The following NALF1 variants were observed in gnomAD, a reference collection of about 807,000 sequenced individuals.
NALF1 encodes the protein NALCN channel auxiliary factor 1.
In NALF1, 3 loss-of-function variants were observed where a neutral mutation model predicts 48.4. That is an observed-to-expected ratio of 0.06 (90% CI 0.03 to 0.16). The LOEUF (loss-of-function observed/expected upper bound fraction) is 0.16, where lower values mean the gene tolerates loss of function less well. Among genes scored for constraint, NALF1 ranks in the 10% least tolerant of loss-of-function variants. The pLI is 1.00. For missense variants in NALF1, 526 were observed against 571.5 expected (o/e 0.92, Z 0.81); for synonymous variants, 262 against 245.7 (o/e 1.07, Z -0.62).
chr13:107,611,593 T>C (rs527740100), intron 1 of NALF1, among the ~76,000 whole-genome samples: 8 of 152,146 alleles, frequency 5.3e-5, no homozygotes, highest in African/African-American at 1.4e-4. Flanking sequence ...TAAGGAAAAC[T>C]AATGGGTTGA....
intron 1 of NALF1, among the ~76,000 whole-genome samples, chr13:107,627,508 GA>G (rs1272295767): frequency 6.6e-6 from 1 of 152,078 alleles, no homozygotes; most frequent in Admixed American, 6.6e-5. Context: ...CCTTAATGAG[GA>G]ACCCCTTCTG....
At chr13:107,502,365 T>C (rs1875551894) in intron 1 of NALF1, among the ~76,000 whole-genome samples, 1 of 152,204 alleles carries the variant, frequency 6.6e-6, no homozygotes, top group Non-Finnish European at 1.5e-5. Flanking sequence ...CTGAGTTAAA[T>C]TCCTTGGTAG....
intron 1 of NALF1, among the ~76,000 whole-genome samples, chr13:107,782,203 G>T (rs2138579017): frequency 6.6e-6 from 1 of 152,332 alleles, no homozygotes; most frequent in East Asian, 1.9e-4. Flanking sequence ...GCAGGCGCGT[G>T]CCGCCACGCC....
chr13:107,424,723 G>C (rs1467524804), intron 1 of NALF1, among the ~76,000 whole-genome samples: 3 of 152,150 alleles, frequency 2.0e-5, no homozygotes, highest in African/African-American at 7.2e-5. Flanking sequence ...GCATGGGAGA[G>C]ATACTTGATA....
intron 1 of NALF1, among the ~76,000 whole-genome samples, chr13:107,438,944 C>G (rs1355190182): frequency 6.7e-6 from 1 of 149,724 alleles, no homozygotes; most frequent in African/African-American, 2.5e-5. Context: ...CACAATCATT[C>G]ATTTTAAGGT....
At chr13:107,782,852 C>T (rs1326540094) in intron 1 of NALF1, among the ~76,000 whole-genome samples, 8 of 151,562 alleles carry the variant, frequency 5.3e-5, no homozygotes, top group East Asian at 2.0e-4. Context: ...AGACCCTCCG[C>T]CCGGCAGCCG....
At chr13:107,405,967 C>T (rs758958258) in intron 1 of NALF1, among the ~76,000 whole-genome samples, 6 of 152,030 alleles carry the variant, frequency 3.9e-5, no homozygotes, top group Non-Finnish European at 7.4e-5. Flanking sequence ...AAAATGTGTA[C>T]ACCTCTCTGG....
chr13:107,549,922 G>A (rs575496156), intron 1 of NALF1, among the ~76,000 whole-genome samples: 1 of 151,214 alleles, frequency 6.6e-6, no homozygotes, highest in African/African-American at 2.4e-5. Flanking sequence ...CTGTTCATTT[G>A]GTCTAGAACA....
At chr13:107,836,647 T>C (rs900236227) in intron 1 of NALF1, among the ~76,000 whole-genome samples, 5 of 152,132 alleles carry the variant, frequency 3.3e-5, no homozygotes, top group African/African-American at 9.7e-5. Flanking sequence ...TTAAGTATTA[T>C]TGTGTATATG....
chr13:107,867,475 C>T lies in NALF1; in HGVS notation c.-879G>A, dbSNP rs1332382544. On this transcript the variant is annotated 5_prime_UTR_variant, in exon 1 of 3. Transcript: ENST00000375915. This position sits in a 1 kb window ranked among gnomAD's most constrained non-coding sequence, Gnocchi z 4.4. ...CCGCGGGCTAAGTTGCCGCCATCTTCGTCCTGGAGAAACACTTTTTTGGGG... is the reference window on the plus strand; with the variant it reads ...CCGCGGGCTAAGTTGCCGCCATCTTTGTCCTGGAGAAACACTTTTTTGGGG... Among the ~76,000 whole-genome samples, 2 of 149,410 alleles carry T rather than the reference C, an allele frequency of 1.3e-5. No homozygotes were observed. Among genetic ancestry groups the T allele is most frequent in the Non-Finnish European group, 3.0e-5 (2 of 67,130 alleles).
intron 1 of NALF1, among the ~76,000 whole-genome samples, chr13:107,220,352 T>C (rs988434008): frequency 1.3e-5 from 2 of 152,338 alleles, no homozygotes; most frequent in Admixed American, 6.5e-5. Flanking sequence ...TAGAATTGTG[T>C]CACGTGGTTC....
chr13:107,377,470 G>A (rs1175805117), intron 1 of NALF1, among the ~76,000 whole-genome samples: 1 of 152,126 alleles, frequency 6.6e-6, no homozygotes, highest in Admixed American at 6.5e-5. Context: ...CTTGGCAAGG[G>A]CCTTATCAGG....
intron 1 of NALF1, among the ~76,000 whole-genome samples, chr13:107,446,243 G>T (rs1884648656): frequency 6.6e-6 from 1 of 152,140 alleles, no homozygotes; most frequent in African/African-American, 2.4e-5. Flanking sequence ...GGCTCACATT[G>T]CTTTCTATAG....
At chr13:107,716,505 C>A (rs894274076) in intron 1 of NALF1, among the ~76,000 whole-genome samples, 1 of 152,208 alleles carries the variant, frequency 6.6e-6, no homozygotes, top group African/African-American at 2.4e-5. Context: ...AGAATCTCTG[C>A]ACTTACATTT....
At chr13:107,378,119 C>T (rs776887133) in intron 1 of NALF1, among the ~76,000 whole-genome samples, 82 of 152,120 alleles carry the variant, frequency 5.4e-4, no homozygotes, top group Non-Finnish European at 1.0e-3. Context: ...AGATCCTGGG[C>T]TTGCTGTGAG....
intron 1 of NALF1, among the ~76,000 whole-genome samples, chr13:107,524,363 T>C (rs139676050): frequency 3.1e-4 from 47 of 152,258 alleles, no homozygotes; most frequent in African/African-American, 8.2e-4. Flanking sequence ...AGCTACTTCT[T>C]TGATTATTCG....
intron 1 of NALF1, among the ~76,000 whole-genome samples, chr13:107,737,255 T>C (rs1006245654): frequency 6.6e-6 from 1 of 152,290 alleles, no homozygotes; most frequent in Admixed American, 6.5e-5. Flanking sequence ...CAGCAGTTGG[T>C]GGTGGTTCTT....
intron 1 of NALF1, among the ~76,000 whole-genome samples, chr13:107,506,189 C>T (rs1875691175): frequency 6.6e-6 from 1 of 152,020 alleles, no homozygotes; most frequent in African/African-American, 2.4e-5. Context: ...TAACTTATGA[C>T]ATGAGGATGC....
At chr13:107,659,114 GACACACACAC>G (rs71121541) in intron 1 of NALF1, among the ~76,000 whole-genome samples, 1 of 145,804 alleles carries the variant, frequency 6.9e-6, no homozygotes, top group Admixed American at 6.9e-5. Flanking sequence ...CTGACACACA[GACACACACAC>G]ACACACACAC....
Sources: allele counts gnomAD v4.1 joint callset (sites outside exome capture counted in the v4.1 genomes callset), GRCh38; gene constraint gnomAD v4.1.1; non-coding constraint Gnocchi (gnomAD v3.1); transcripts MANE v1.5; gene names NCBI Gene and HGNC (gene_info 2026-07-23, HGNC 2026-07-21).